The following NELL2 variants were observed in gnomAD, a reference collection of about 807,000 sequenced individuals.
The protein encoded by NELL2 is neural EGFL like 2.
In NELL2, 41 loss-of-function variants were observed where a neutral mutation model predicts 109.6. The observed-to-expected ratio is 0.37, with a 90% confidence interval of 0.29 to 0.49. NELL2 has a LOEUF of 0.49. Ranked by LOEUF, NELL2 falls within the 20% of genes least tolerant of loss-of-function variation. The probability of loss-of-function intolerance (pLI) is 0.98; values close to 1 mark genes in which losing one functional copy is unlikely to be tolerated. For synonymous variants in NELL2, 355 were observed against 344.7 expected, an observed-to-expected ratio of 1.03 and a Z score of -0.33; for missense variants, 900 against 1,008.3, an observed-to-expected ratio of 0.89 and a Z score of 1.45.
intron 15 of NELL2, among the ~76,000 whole-genome samples, chr12:44,574,593 G>A (rs541059097): frequency 8.6e-5 from 13 of 151,982 alleles, no homozygotes; most frequent in Admixed American, 7.9e-4. Context: ...ATGGAGTTTG[G>A]AGTGATAAAG....
At chr12:44,856,746 G>A (rs1944695951) in intron 2 of NELL2, among the ~76,000 whole-genome samples, 1 of 152,144 alleles carries the variant, frequency 6.6e-6, no homozygotes, top group East Asian at 1.9e-4. Flanking sequence ...GAGTGTGCAG[G>A]TAAGACTTTA....
chr12:44,610,252 A>C (rs1945564762), intron 14 of NELL2, among the ~76,000 whole-genome samples: 1 of 151,690 alleles, frequency 6.6e-6, no homozygotes, highest in Admixed American at 6.6e-5. Context: ...AAAAAAAAAA[A>C]AACAAAAAAA....
At chr12:44,630,646 G>A (rs1249297973) in intron 13 of NELL2, among the ~76,000 whole-genome samples, 3 of 151,974 alleles carry the variant, frequency 2.0e-5, no homozygotes, top group South Asian at 2.1e-4. Flanking sequence ...AGAAGTCCAG[G>A]GTCATGTCCC....
intron 13 of NELL2, among the ~76,000 whole-genome samples, chr12:44,665,026 GTTCTCAATTGTAC>G (rs1947874992): frequency 6.6e-6 from 1 of 151,982 alleles, no homozygotes; most frequent in African/African-American, 2.4e-5. Context: ...CTTTGATGTA[GTTCTCAATTGTAC>G]TTCTCAGACA....
At chr12:44,602,580 A>C (rs1650496132) in intron 15 of NELL2, among the ~76,000 whole-genome samples, 1 of 152,132 alleles carries the variant, frequency 6.6e-6, no homozygotes, top group Non-Finnish European at 1.5e-5. Context: ...TCTTTTTATC[A>C]AATTGTCTCA....
At chr12:44,789,122 C>T (rs1369328951) in intron 3 of NELL2, among the ~76,000 whole-genome samples, 1 of 152,162 alleles carries the variant, frequency 6.6e-6, no homozygotes. Context: ...GTCCTGCCCA[C>T]TGCTGGGTAC....
At position 44,521,851 on chromosome 12, in the gene NELL2, A is replaced by G. The variant is rs555747856; in HGVS notation, c.2175+149T>C. On this transcript the variant is annotated intron_variant, in intron 18 of 19. Coordinates refer to ENST00000429094, the MANE Select transcript of NELL2 (RefSeq NM_001145108.2). ...CTTCTTGGGTTGTGATCGTGTAACT[A>G]TCACCTCATCATCCTAACCAGGCTC... 308 of 698,000 alleles carry G rather than the reference A, an allele frequency of 4.4e-4. 2 individuals carry two copies. The highest frequency in any genetic ancestry group is 2.9e-3 in the South Asian group (151 of 51,382). The allele number at this position is 698,000 out of a possible 1,614,324, so 43.2% of individuals were successfully genotyped here.
chr12:44,675,530 C>G (rs1013550002), intron 12 of NELL2, among the ~76,000 whole-genome samples: 13 of 152,028 alleles, frequency 8.6e-5, no homozygotes, highest in African/African-American at 3.1e-4. Context: ...TATAAATTCC[C>G]TTTTATCCTA....
Position 44,594,073 on chromosome 12 carries a change from C to T in NELL2, c.1663+13096G>A, listed in dbSNP as rs147877946. 6.6e-3 allele frequency among the ~76,000 whole-genome samples: 961 copies of T among 145,702 alleles called. 9 individuals are homozygous for T. The highest frequency in any genetic ancestry group is 0.023 in the African/African-American group (887 of 39,352). On this transcript the variant is annotated intron_variant, in intron 15 of 19. Coordinates refer to ENST00000429094, the MANE Select transcript of NELL2 (RefSeq NM_001145108.2). ...TACATGTTCTCACTCATTTATGTGG[C>T]GGGGGGGAGTCGAACAATAAGAATG...
chr12:44,816,016 A>G lies in NELL2; in HGVS notation c.305T>C (p.Val102Ala), dbSNP rs373062666. ...TLKQTHLNSG[V>A]ILSIHHLDHR... The stretch of plus-strand genomic sequence containing the variant: ...ATCCAAGTGGTGAATTGAGAGAATA[A>G]CTCCTGAATTTAAGTGGGTCTGTTT... The change falls in exon 3 of 20, where the codon GTT (valine) becomes GCT (alanine). Residue 102 changes from valine to alanine, a missense_variant. Transcript: ENST00000429094. The G allele has an allele frequency of 1.9e-6, 3 of 1,611,936 alleles. No homozygotes were observed. The African/African-American group carries it at 4.0e-5, about 22-fold the overall frequency.
chr12:44,699,940 A>G (rs759016837), intron 12 of NELL2, among the ~76,000 whole-genome samples: 5 of 152,134 alleles, frequency 3.3e-5, no homozygotes, highest in Non-Finnish European at 7.4e-5. Flanking sequence ...CGTCTCCTCA[A>G]CTAACATTTA....
chr12:44,909,098 A>G (rs1945751273), intron 1 of NELL2, among the ~76,000 whole-genome samples: 1 of 151,992 alleles, frequency 6.6e-6, no homozygotes, highest in Non-Finnish European at 1.5e-5. Context: ...GGCAAGAGAA[A>G]GAAATAAAAG....
At chr12:44,869,442 G>T (rs1014416463) in intron 2 of NELL2, among the ~76,000 whole-genome samples, 11 of 152,094 alleles carry the variant, frequency 7.2e-5, no homozygotes, top group Non-Finnish European at 1.5e-4. Context: ...AAGTCAGCCT[G>T]TTTTTTGCTT....
At chr12:44,844,414 G>A (rs1034022262) in intron 2 of NELL2, among the ~76,000 whole-genome samples, 4 of 152,096 alleles carry the variant, frequency 2.6e-5, no homozygotes, top group African/African-American at 4.8e-5. Flanking sequence ...AAAACATTAC[G>A]GAGAACAAAG....
At chr12:44,630,809 A>C (rs991800674) in intron 13 of NELL2, among the ~76,000 whole-genome samples, 31 of 152,286 alleles carry the variant, frequency 2.0e-4, no homozygotes, top group African/African-American at 7.2e-4. Context: ...GTTTTTAAAA[A>C]CATTATTTTG....
At chr12:44,553,286 GAA>G (rs59332982) in intron 15 of NELL2, among the ~76,000 whole-genome samples, 35,898 of 145,752 alleles carry the variant, frequency 0.25, 4,472 homozygotes, top group South Asian at 0.35. Context: ...AATAAAAAAA[GAA>G]AAAAAAAAAA....
At chr12:44,765,632 CAAAT>C (rs138470822) in intron 9 of NELL2, among the ~76,000 whole-genome samples, 3,662 of 152,240 alleles carry the variant, frequency 0.024, 135 homozygotes, top group African/African-American at 0.08. Context: ...GATATTCTGA[CAAAT>C]AGATATGTTA....
chr12:44,717,789 C>A (rs1938567523), intron 9 of NELL2, among the ~76,000 whole-genome samples: 1 of 152,130 alleles, frequency 6.6e-6, no homozygotes, highest in Non-Finnish European at 1.5e-5. Context: ...CATAGCCAAC[C>A]TTCTCTCCTC....
At chr12:44,522,428 T>C (rs1941581329) in intron 17 of NELL2, among the ~76,000 whole-genome samples, 1 of 152,154 alleles carries the variant, frequency 6.6e-6, no homozygotes, top group Non-Finnish European at 1.5e-5. Flanking sequence ...TTTTCAGAAA[T>C]GACCAGCATA....
Sources: gnomAD v4.1 joint callset for allele counts (sites outside exome capture counted in the v4.1 genomes callset) on GRCh38, gnomAD v4.1.1 for gene constraint, MANE v1.5 for transcripts, NCBI Gene and HGNC (gene_info 2026-07-23, HGNC 2026-07-21) for gene names.